The following TECTA variants were observed in gnomAD, a reference collection of about 807,000 sequenced individuals.
The protein encoded by TECTA is alpha-tectorin.
Under a neutral mutation model 216.8 loss-of-function variants are expected in TECTA, and 128 were observed. The observed-to-expected ratio is 0.59, with a 90% CI of 0.51 to 0.68. The LOEUF is 0.68. TECTA is among the 30% of genes least tolerant of loss of function. The pLI, the probability that TECTA is intolerant of heterozygous loss-of-function variation, is 0.00. For synonymous variants in TECTA, 1,089 were observed against 1,117.1 expected, an observed-to-expected ratio of 0.97 and a Z score of 0.50; for missense variants, 2,551 against 2,786.2, an observed-to-expected ratio of 0.92 and a Z score of 1.90.
intron 12 of TECTA, among the ~76,000 whole-genome samples, chr11:121,150,838 G>T (rs982435822): frequency 4.6e-5 from 7 of 151,890 alleles, no homozygotes; most frequent in Admixed American, 2.0e-4. Flanking sequence ...TAGAGACAGG[G>T]TTTCACCATG....
chr11:121,130,748 C>T (rs918896141), intron 10 of TECTA, among the ~76,000 whole-genome samples: 2 of 152,208 alleles, frequency 1.3e-5, no homozygotes, highest in African/African-American at 4.8e-5. Flanking sequence ...AGAAAACTTT[C>T]TGGGAAGACC....
rs915704164 is a variant in TECTA at position 121,127,854 on chromosome 11, C to T, written c.1877C>T (p.Pro626Leu). Residue 626 changes from proline to leucine, a missense_variant, in exon 9 of 24, where the codon CCG becomes CTG. By Grantham distance (98) the Pro-to-Leu change is moderately conservative. This residue lies in a region of TECTA where 2,375 missense variants were observed against 2,563.9 expected (regional missense o/e 0.93). Transcript: ENST00000392793. This position sits in a 1 kb window ranked among gnomAD's most constrained non-coding sequence, Gnocchi z 5.0. ...DLTASRNCAT[P>L]CTEGCECNQG... is the part of the protein sequence containing the mutation. ...ACGGCCTCGCGGAACTGCGCCACGC[C>T]GTGCACAGAGGGCTGCGAGTGCAAC... 1.9e-6 allele frequency: 3 copies of T among 1,613,974 alleles called. No homozygotes were observed. The highest frequency in any genetic ancestry group is 1.7e-6 in the Non-Finnish European group (2 of 1,180,048).
chr11:121,189,128 A>G lies in TECTA; in HGVS notation c.6211A>G (p.Lys2071Glu), dbSNP rs1255917640. The part of the protein sequence containing the change: ...RIATDYTKEP[K>E]EQIISVGPIR... Reference sequence around the variant, plus strand: ...TGCCACAGATTACACAAAAGAGCCCAAAGAACAGATCATTTCAGTGGGACC... The same window carrying G: ...TGCCACAGATTACACAAAAGAGCCCGAAGAACAGATCATTTCAGTGGGACC... The change falls in exon 22 of 24, where the codon AAA becomes GAA. Residue 2071 changes from lysine (K) to glutamate (E), a missense_variant. Around this residue, in one of 3 missense-constraint regions of TECTA, gnomAD observed 118 missense variants for 116.4 expected, o/e 1.01. Coordinates refer to ENST00000392793, the MANE Select transcript of TECTA (RefSeq NM_005422.4). The G allele has an allele frequency of 1.6e-5, 26 of 1,614,096 alleles. No homozygotes were observed. The highest frequency in any genetic ancestry group is 6.7e-5 in the African/African-American group (5 of 74,946).
At chr11:121,186,233 G>C (rs1947285747) in intron 20 of TECTA, among the ~76,000 whole-genome samples, 1 of 152,184 alleles carries the variant, frequency 6.6e-6, no homozygotes, top group Non-Finnish European at 1.5e-5. Context: ...AAGTATTTTG[G>C]GGTCAGTTGT....
chr11:121,158,943 C>T (rs1420775985), intron 14 of TECTA, among the ~76,000 whole-genome samples: 4 of 152,180 alleles, frequency 2.6e-5, no homozygotes, highest in Admixed American at 6.5e-5. Context: ...GCACTGTTGA[C>T]GGTGACCCAG....
Position 121,128,300 on chromosome 11 carries a change from G to T in TECTA, c.2323G>T (p.Asp775Tyr), listed in dbSNP as rs746339702. The T allele has an allele frequency of 6.3e-7, 1 of 1,599,684 alleles. No homozygotes were observed. The highest frequency in any genetic ancestry group is 1.3e-5 in the African/African-American group (1 of 75,046). ...GCGGGGACTTCGGATCCTGGTGGCC[G>T]ACCAGGAGGTCAAGATAGGAGGCAT... ...WLRGLRILVADQEVKIGGIGA... is the reference protein window; with the variant it reads ...WLRGLRILVAYQEVKIGGIGA... Residue 775 changes from aspartate to tyrosine, a missense_variant, in exon 9 of 24, where the codon GAC becomes TAC. This residue lies in a region of TECTA where 2,375 missense variants were observed against 2,563.9 expected (regional missense o/e 0.93). Coordinates refer to ENST00000392793, the MANE Select transcript of TECTA (RefSeq NM_005422.4).
chr11:121,173,752 T>A lies in TECTA; in HGVS notation c.5999+4827T>A, dbSNP rs1328611017. ...AAAGTCATTGGTAGCTTGATGGGGG[T>A]GGCATTGAATCTGTAAATTACCTTG... On this transcript the variant is annotated intron_variant, in intron 20 of 23. Coordinates refer to ENST00000392793, the MANE Select transcript of TECTA (RefSeq NM_005422.4). 3.9e-5 allele frequency among the ~76,000 whole-genome samples: 6 copies of A among 152,158 alleles called. No homozygotes were observed. In the South Asian group the frequency reaches 1.2e-3, roughly 32 times the overall value.
intron 13 of TECTA, 52 bp from the exon 14 acceptor site, chr11:121,157,789 C>G: frequency 1.2e-6 from 2 of 1,611,824 alleles, no homozygotes; most frequent in East Asian, 2.2e-5. Flanking sequence ...GCTTTCGGGT[C>G]CCCAGCCCTG....
intron 11 of TECTA, among the ~76,000 whole-genome samples, chr11:121,139,786 T>C (rs1317815986): frequency 2.6e-5 from 4 of 152,248 alleles, no homozygotes; most frequent in Non-Finnish European, 5.9e-5. Flanking sequence ...ATCTGAGAGG[T>C]TATATTGCCA....
At chr11:121,185,303 A>G (rs1204389412) in intron 20 of TECTA, among the ~76,000 whole-genome samples, 2 of 152,040 alleles carry the variant, frequency 1.3e-5, no homozygotes, top group Non-Finnish European at 2.9e-5. Flanking sequence ...GAGTAGGGAA[A>G]GTAGATGTTC....
At chr11:121,154,830 T>C (rs1946925583) in intron 13 of TECTA, among the ~76,000 whole-genome samples, 1 of 152,242 alleles carries the variant, frequency 6.6e-6, no homozygotes, top group African/African-American at 2.4e-5. Flanking sequence ...AATTGGTAGC[T>C]GCTATTGTTA....
In TECTA at chr11:121,162,346, G is replaced by A. The variant is rs769559125; in HGVS notation, c.5248G>A (p.Glu1750Lys). 4.3e-6 allele frequency: 7 copies of A among 1,613,414 alleles called. No individual in the cohort carries two copies. The highest frequency in any genetic ancestry group is 1.1e-5 in the South Asian group (1 of 91,082). The change falls in exon 16 of 24, where the codon GAG (glutamate) becomes AAG (lysine). Residue 1750 changes from glutamate (E) to lysine (K), a missense_variant. This residue lies in a region of TECTA where 2,375 missense variants were observed against 2,563.9 expected (regional missense o/e 0.93). Transcript: ENST00000392793. Reference sequence around the variant, plus strand: ...CCGCTCCTTCGGGATCCTTAGCACCGAGTGGATTGAGAAGGAGAATTGCTG... The same window carrying A: ...CCGCTCCTTCGGGATCCTTAGCACCAAGTGGATTGAGAAGGAGAATTGCTG... ...ACRSFGILST[E>K]WIEKENCSGV...
chr11:121,134,714 C>T (rs780031260), intron 10 of TECTA, among the ~76,000 whole-genome samples: 1 of 152,180 alleles, frequency 6.6e-6, no homozygotes, highest in Non-Finnish European at 1.5e-5. Flanking sequence ...CTCCCCTATA[C>T]CAAATCTGTT....
intron 6 of TECTA, among the ~76,000 whole-genome samples, chr11:121,114,352 GTTTGGAGCCTT>G (rs1565518466): frequency 2.6e-5 from 4 of 152,234 alleles, no homozygotes; most frequent in Non-Finnish European, 5.9e-5. Context: ...GGCACCCAAA[GTTTGGAGCCTT>G]TTCTGAACTA....
intron 13 of TECTA, among the ~76,000 whole-genome samples, chr11:121,153,863 G>A (rs551542172): frequency 2.0e-5 from 3 of 152,198 alleles, no homozygotes; most frequent in East Asian, 1.9e-4. Flanking sequence ...TTCATGGTTC[G>A]ACCTCAAGCC....
chr11:121,186,173 G>A (rs965658150), intron 20 of TECTA, among the ~76,000 whole-genome samples: 1 of 151,220 alleles, frequency 6.6e-6, no homozygotes, highest in Middle Eastern at 3.4e-3. Context: ...AATGAGTAGG[G>A]AAAGCAGATG....
intron 20 of TECTA, among the ~76,000 whole-genome samples, chr11:121,178,145 C>T (rs1947187930): frequency 6.6e-6 from 1 of 152,226 alleles, no homozygotes; most frequent in Admixed American, 6.5e-5. Context: ...TGAGGCAATG[C>T]CTCGCCCTGC....
intron 7 of TECTA, among the ~76,000 whole-genome samples, chr11:121,122,355 G>A (rs908488093): frequency 1.3e-5 from 2 of 152,084 alleles, no homozygotes; most frequent in Non-Finnish European, 2.9e-5. Flanking sequence ...ACCAGAAAGT[G>A]GGCTCTCGCC....
At chr11:121,111,239 C>T (rs954065954) in intron 4 of TECTA, among the ~76,000 whole-genome samples, 1 of 152,174 alleles carries the variant, frequency 6.6e-6, no homozygotes, top group Admixed American at 6.5e-5. Flanking sequence ...GTACTGTCTC[C>T]AATTTCAAGG....
Sources: gnomAD v4.1 joint callset for allele counts (sites outside exome capture counted in the v4.1 genomes callset) on GRCh38, gnomAD v4.1.1 for gene constraint, gnomAD v4.1.1 regional missense constraint, Gnocchi (gnomAD v3.1) non-coding constraint, MANE v1.5 for transcripts, NCBI Gene and HGNC (gene_info 2026-07-23, HGNC 2026-07-21) for gene names.